Variants in TTLL7 observed in about 807,000 individuals in gnomAD.
TTLL7 encodes tubulin tyrosine ligase like 7, also known as tubulin polyglutamylase TTLL7.
A neutral mutation model predicts 120.2 loss-of-function variants in TTLL7; 53 were observed. That is an observed-to-expected ratio of 0.44 (90% CI 0.35 to 0.55). The LOEUF (loss-of-function observed/expected upper bound fraction) is 0.55, where lower values mean the gene tolerates loss of function less well. TTLL7 is among the 20% of genes least tolerant of loss of function. The probability of loss-of-function intolerance (pLI) is 0.00; values close to 1 mark genes in which losing one functional copy is unlikely to be tolerated. For synonymous variants in TTLL7, 353 were observed against 351.7 expected, an observed-to-expected ratio of 1.00 and a Z score of -0.04; for missense variants, 803 against 1,054.7, an observed-to-expected ratio of 0.76 and a Z score of 3.31.
At chr1:83,973,039 C>T (rs538336249) in intron 1 of TTLL7, among the ~76,000 whole-genome samples, 25 of 152,076 alleles carry the variant, frequency 1.6e-4, no homozygotes, top group Admixed American at 3.3e-4. Flanking sequence ...ATTCTCTTGA[C>T]TCTGTTTTTC....
intron 20 of TTLL7, among the ~76,000 whole-genome samples, chr1:83,873,539 A>G (rs1653636103): frequency 6.6e-6 from 1 of 152,052 alleles, no homozygotes; most frequent in African/African-American, 2.4e-5. Flanking sequence ...TTTACATATG[A>G]AAATGGCTAA....
intron 20 of TTLL7, among the ~76,000 whole-genome samples, chr1:83,875,836 T>G (rs1225162511): frequency 6.6e-6 from 1 of 151,960 alleles, no homozygotes; most frequent in Non-Finnish European, 1.5e-5. Context: ...CTTGTAAGAA[T>G]TTTTTACAGA....
chr1:83,973,531 G>T (rs968954779), intron 1 of TTLL7, among the ~76,000 whole-genome samples: 1 of 151,830 alleles, frequency 6.6e-6, no homozygotes, highest in Non-Finnish European at 1.5e-5. Flanking sequence ...CTTCTCCTTC[G>T]ATATTGTGTT....
chr1:83,962,810 G>C (rs1043676389), intron 1 of TTLL7, among the ~76,000 whole-genome samples: 5 of 152,112 alleles, frequency 3.3e-5, no homozygotes, highest in Non-Finnish European at 7.4e-5. Context: ...GGCAGGAGTT[G>C]TAGCAATCCA....
rs764177870 is a variant in TTLL7 at position 83,870,003 on chromosome 1, G to A, written c.2623C>T (p.Arg875Cys). 1.1e-5 allele frequency: 18 copies of A among 1,591,122 alleles called. No individual in the cohort carries two copies. The East Asian group carries it at 1.2e-4, about 10-fold the overall frequency. The change falls in exon 21 of 21, where the codon CGC becomes TGC. Residue 875 changes from arginine (R) to cysteine (C), a missense_variant. Arg to Cys is a radical substitution (Grantham distance 180). This residue lies in a region of TTLL7 where 388 missense variants were observed against 450.4 expected (regional missense o/e 0.86). Transcript: ENST00000260505. ...NLKYNSPGMT[R>C]SNVLFTSRYG... ...CTGGATGTAAACAAAACATTGGAGCGAGTCATTCCAGGTGAATTGTACTTC... is the reference window on the plus strand; with the variant it reads ...CTGGATGTAAACAAAACATTGGAGCAAGTCATTCCAGGTGAATTGTACTTC...
chr1:83,885,052 A>T (rs1027230780), intron 19 of TTLL7: 3 of 283,476 alleles, frequency 1.1e-5, no homozygotes, highest in Non-Finnish European at 1.6e-5. Context: ...TTATAGATGT[A>T]GATAGAGATA....
intron 8 of TTLL7, among the ~76,000 whole-genome samples, chr1:83,937,102 G>A (rs1647465880): frequency 6.6e-6 from 1 of 151,974 alleles, no homozygotes; most frequent in African/African-American, 2.4e-5. Flanking sequence ...ATTCAACAGA[G>A]GTCACATAAG....
At chr1:83,915,848 C>A (rs1255221623) in intron 14 of TTLL7, among the ~76,000 whole-genome samples, 1 of 152,194 alleles carries the variant, frequency 6.6e-6, no homozygotes, top group African/African-American at 2.4e-5. Flanking sequence ...ACAGACACTT[C>A]TCAAAAGAAG....
At chr1:83,928,889 C>T (rs574150994) in intron 10 of TTLL7, among the ~76,000 whole-genome samples, 1 of 150,872 alleles carries the variant, frequency 6.6e-6, no homozygotes, top group Admixed American at 6.6e-5. Flanking sequence ...AAGCAGTATA[C>T]AGGAGTAGGG....
At chr1:83,904,972 TA>T (rs1168645326) in intron 17 of TTLL7, among the ~76,000 whole-genome samples, 1 of 152,002 alleles carries the variant, frequency 6.6e-6, no homozygotes, top group Non-Finnish European at 1.5e-5. Flanking sequence ...TATATAAGCC[TA>T]TATACATTCT....
In TTLL7 at chr1:83,917,614, C is replaced by T. The variant is rs1658300705; in HGVS notation, c.1577G>A (p.Arg526Gln). 3 of 1,611,742 alleles carry T rather than the reference C, an allele frequency of 1.9e-6. No homozygotes were observed. The highest frequency in any genetic ancestry group is 1.3e-5 in the African/African-American group (1 of 74,952). Residue 526 changes from arginine to glutamine, a missense_variant, in exon 14 of 21, where the codon CGA becomes CAA. Around this residue, in one of 3 missense-constraint regions of TTLL7, gnomAD observed 388 missense variants for 450.4 expected, o/e 0.86. Coordinates refer to ENST00000260505, the MANE Select transcript of TTLL7 (RefSeq NM_024686.6). Reference protein sequence around the residue: ...EKLMGKTTKTRGPKPLCSMPE... With the variant: ...EKLMGKTTKTQGPKPLCSMPE... ...AGAGATATACTGCACCTTTGGTCCT[C>T]GAGTCTTGGTAGTTTTTCCCATCAA...
At chr1:83,977,146 A>G (rs1488723687) in intron 1 of TTLL7, among the ~76,000 whole-genome samples, 1 of 152,104 alleles carries the variant, frequency 6.6e-6, no homozygotes, top group Non-Finnish European at 1.5e-5. Flanking sequence ...AGTGATCTGA[A>G]TAATTAAGAC....
chr1:83,966,680 C>T (rs1650491309), intron 1 of TTLL7, among the ~76,000 whole-genome samples: 1 of 152,030 alleles, frequency 6.6e-6, no homozygotes, highest in East Asian at 1.9e-4. Context: ...TAGAGATTGT[C>T]CATAATCACC....
intron 19 of TTLL7, chr1:83,889,822 G>A (rs1201700822): frequency 1.9e-5 from 8 of 427,562 alleles, no homozygotes; most frequent in Non-Finnish European, 3.3e-5. Flanking sequence ...AGACAGTGAG[G>A]GAAAAGGAAG....
intron 1 of TTLL7, among the ~76,000 whole-genome samples, chr1:83,958,368 C>CA (rs1320859737): frequency 6.6e-6 from 1 of 151,428 alleles, no homozygotes; most frequent in African/African-American, 2.4e-5. Flanking sequence ...CTATCACTTC[C>CA]AAAAAAAAGA....
intron 19 of TTLL7, among the ~76,000 whole-genome samples, chr1:83,884,780 G>A (rs1654842561): frequency 6.7e-6 from 1 of 150,324 alleles, no homozygotes; most frequent in Non-Finnish European, 1.5e-5. Flanking sequence ...GCTAAATGAC[G>A]AGTTAATGGG....
chr1:83,959,056 T>C (rs746841202), intron 1 of TTLL7, among the ~76,000 whole-genome samples: 2 of 152,070 alleles, frequency 1.3e-5, no homozygotes, highest in Non-Finnish European at 2.9e-5. Context: ...TTCATGTAGG[T>C]GATTGTGAAA....
chr1:83,884,868 T>TACA (rs1000085318), intron 19 of TTLL7, among the ~76,000 whole-genome samples: 5 of 151,850 alleles, frequency 3.3e-5, no homozygotes, highest in African/African-American at 1.2e-4. Flanking sequence ...AAACTTAAAG[T>TACA]ATAATAATAA....
chr1:83,912,317 A>G (rs1158455541), intron 14 of TTLL7: 1 of 152,182 alleles, frequency 6.6e-6, no homozygotes, highest in Non-Finnish European at 1.5e-5. Context: ...TGTGTTTCCA[A>G]TGATGCCAGC....
Sources: gnomAD v4.1 joint callset for allele counts (sites outside exome capture counted in the v4.1 genomes callset) on GRCh38, gnomAD v4.1.1 for gene constraint, gnomAD v4.1.1 regional missense constraint, MANE v1.5 for transcripts, NCBI Gene and HGNC (gene_info 2026-07-23, HGNC 2026-07-21) for gene names.